Variants in PCDH15 observed in about 807,000 individuals in gnomAD.
PCDH15 encodes protocadherin-15.
PCDH15 carries 129 observed loss-of-function variants against 178.5 expected under a neutral mutation model. That is an observed-to-expected ratio of 0.72 (90% CI 0.63 to 0.84). The LOEUF (loss-of-function observed/expected upper bound fraction) is 0.84, where lower values mean the gene tolerates loss of function less well. PCDH15 is among the 40% of genes least tolerant of loss of function. The pLI is 0.00. For missense variants in PCDH15, 2,230 were observed against 2,099.9 expected, an observed-to-expected ratio of 1.06 and a Z score of -1.21; for synonymous variants, 800 against 732.0, an observed-to-expected ratio of 1.09 and a Z score of -1.50.
chr10:53,824,038 T>G (rs2076503453), intron 32 of PCDH15, among the ~76,000 whole-genome samples: 1 of 152,098 alleles, frequency 6.6e-6, no homozygotes, highest in Non-Finnish European at 1.5e-5. Context: ...AAAATTGTTT[T>G]AAAACCTTAT....
rs368057304 is a variant in PCDH15 at position 54,819,581 on chromosome 10, G to T, written c.-29+77869C>A. The stretch of plus-strand genomic sequence containing the variant: ...TCAATATTGCATTCATTAGGAAGGT[G>T]TATGAATAAAGATTCTTTAAAATTA... On this transcript the variant is annotated intron_variant, in intron 3 of 5. Transcript: ENST00000458638. Among the ~76,000 whole-genome samples the T allele has an allele frequency of 1.2e-4, 19 of 152,052 alleles. 1 individual carries two copies. In the East Asian group the frequency reaches 1.4e-3, roughly 11 times the overall value.
chr10:54,017,310 C>G (rs1395573158), intron 20 of PCDH15, among the ~76,000 whole-genome samples: 1 of 152,088 alleles, frequency 6.6e-6, no homozygotes, highest in East Asian at 1.9e-4. Flanking sequence ...CAAGCATGAG[C>G]CACCATGCCC....
intron 1 of PCDH15, among the ~76,000 whole-genome samples, chr10:54,750,913 G>A (rs567171346): frequency 6.6e-6 from 1 of 152,002 alleles, no homozygotes; most frequent in Non-Finnish European, 1.5e-5. Context: ...TTTATTAATA[G>A]TGGTTATATC....
intron 2 of PCDH15, among the ~76,000 whole-genome samples, chr10:55,539,472 A>G (rs1294129835): frequency 6.6e-6 from 1 of 152,054 alleles, no homozygotes; most frequent in Non-Finnish European, 1.5e-5. Flanking sequence ...AAAACCTTAC[A>G]GAAACCATCT....
chr10:54,826,795 G>A (rs181063985), intron 3 of PCDH15, among the ~76,000 whole-genome samples: 9 of 152,032 alleles, frequency 5.9e-5, no homozygotes, highest in Admixed American at 5.9e-4. Flanking sequence ...CCAAAGATGG[G>A]CTAATATATA....
intron 14 of PCDH15, among the ~76,000 whole-genome samples, chr10:54,140,142 A>G (rs1422001305): frequency 6.6e-6 from 1 of 152,206 alleles, no homozygotes; most frequent in African/African-American, 2.4e-5. Context: ...GTTAAAGCTC[A>G]TATCTTAATG....
At chr10:54,997,795 T>C (rs886256761) in intron 2 of PCDH15, among the ~76,000 whole-genome samples, 2 of 151,892 alleles carry the variant, frequency 1.3e-5, no homozygotes, top group Admixed American at 1.3e-4. Context: ...GATAAACTGC[T>C]AAAAAAAATG....
At chr10:55,393,497 T>A (rs1837849850) in intron 2 of PCDH15, among the ~76,000 whole-genome samples, 1 of 152,130 alleles carries the variant, frequency 6.6e-6, no homozygotes, top group Non-Finnish European at 1.5e-5. Flanking sequence ...AACTGTAAAC[T>A]GAGAGACCAA....
intron 2 of PCDH15, among the ~76,000 whole-genome samples, chr10:55,516,207 C>T (rs117939042): frequency 0.019 from 2,910 of 152,070 alleles, 38 homozygotes; most frequent in Middle Eastern, 0.037. Flanking sequence ...CCCCCCATAC[C>T]GTTCTCATGA....
chr10:53,905,989 C>G (rs1469291176), intron 25 of PCDH15, among the ~76,000 whole-genome samples: 3 of 152,090 alleles, frequency 2.0e-5, no homozygotes, highest in Non-Finnish European at 4.4e-5. Context: ...AGAACTTATA[C>G]ATTTATTTAT....
intron 1 of PCDH15, among the ~76,000 whole-genome samples, chr10:54,705,571 A>G (rs1299627529): frequency 1.3e-5 from 2 of 152,034 alleles, no homozygotes; most frequent in Non-Finnish European, 2.9e-5. Context: ...AGTTTTTACA[A>G]CCTTTTGAAT....
intron 2 of PCDH15, among the ~76,000 whole-genome samples, chr10:54,965,207 A>G (rs1462385760): frequency 6.6e-6 from 1 of 152,130 alleles, no homozygotes; most frequent in Non-Finnish European, 1.5e-5. Context: ...AATTACCAAT[A>G]TGTATCTCAC....
At chr10:54,848,643 A>G (rs992133193) in intron 3 of PCDH15, among the ~76,000 whole-genome samples, 1 of 152,196 alleles carries the variant, frequency 6.6e-6, no homozygotes, top group African/African-American at 2.4e-5. Flanking sequence ...TAAATTACTC[A>G]GTTTCAGTTA....
At position 55,499,453 on chromosome 10, in the gene PCDH15, A is replaced by ACACACACAC. The variant is rs1840607759; in HGVS notation, c.-156+128171_-156+128172insGTGTGTGTG. ...CACACACACACACACACACACACAC[A>ACACACACAC]AATAATGTTGCATCTCTCACCATGT... On this transcript the variant is annotated intron_variant, in intron 2 of 5. Coordinates refer to the PCDH15 transcript ENST00000613346. Among the ~76,000 whole-genome samples the ACACACACAC allele has an allele frequency of 2.1e-5, 3 of 145,744 alleles. No individual in the cohort carries two copies. The Admixed American group carries it at 2.1e-4, about 10-fold the overall frequency.
intron 2 of PCDH15, among the ~76,000 whole-genome samples, chr10:55,047,007 T>A (rs531672777): frequency 6.6e-6 from 1 of 151,980 alleles, no homozygotes; most frequent in African/African-American, 2.4e-5. Context: ...CATGACAGCT[T>A]GCAGCATTTT....
chr10:54,491,596 A>G (rs1408164552), intron 3 of PCDH15, among the ~76,000 whole-genome samples: 1 of 152,166 alleles, frequency 6.6e-6, no homozygotes, highest in Non-Finnish European at 1.5e-5. Context: ...GAAGAAATAA[A>G]GAAAGCAGTG....
chr10:55,207,832 G>A (rs942885289), intron 1 of PCDH15, among the ~76,000 whole-genome samples: 2 of 151,980 alleles, frequency 1.3e-5, no homozygotes, highest in African/African-American at 4.8e-5. Context: ...AGCTGGGCGT[G>A]GTGGCACACA....
At chr10:54,439,332 G>A (rs1016781545) in intron 3 of PCDH15, among the ~76,000 whole-genome samples, 4 of 151,804 alleles carry the variant, frequency 2.6e-5, no homozygotes, top group African/African-American at 9.7e-5. Flanking sequence ...AAAAGGGGAG[G>A]GGCATCATAT....
intron 3 of PCDH15, among the ~76,000 whole-genome samples, chr10:54,842,124 T>A (rs1049164344): frequency 6.6e-6 from 1 of 151,864 alleles, no homozygotes; most frequent in East Asian, 1.9e-4. Flanking sequence ...TAAACGTTCA[T>A]GATAATTTCA....
Sources: allele counts gnomAD v4.1 joint callset (sites outside exome capture counted in the v4.1 genomes callset), GRCh38; gene constraint gnomAD v4.1.1; transcripts MANE v1.5; gene names NCBI Gene and HGNC (gene_info 2026-07-23, HGNC 2026-07-21).